Variants in NDUFS1 observed in about 807,000 individuals in gnomAD.
The protein encoded by NDUFS1 is NADH-ubiquinone oxidoreductase 75 kDa subunit, mitochondrial.
Under a neutral mutation model 84.4 loss-of-function variants are expected in NDUFS1, and 61 were observed. The ratio of observed to expected loss-of-function variants is 0.72; its 90% confidence interval spans 0.59 to 0.89. The LOEUF is 0.89. NDUFS1 is among the 40% of genes least tolerant of loss of function. The probability of loss-of-function intolerance (pLI) is 0.00; values close to 1 mark genes in which losing one functional copy is unlikely to be tolerated. For missense variants in NDUFS1, 891 were observed against 890.0 expected (o/e 1.00, Z -0.01); for synonymous variants, 275 against 290.0 (o/e 0.95, Z 0.53).
At chr2:206,128,293 G>A (rs1465515482) in intron 15 of NDUFS1, among the ~76,000 whole-genome samples, 2 of 151,884 alleles carry the variant, frequency 1.3e-5, no homozygotes, top group African/African-American at 4.8e-5. Flanking sequence ...AGCCTCCCAA[G>A]TAGCTGGGAC....
In NDUFS1 at chr2:206,121,236, T is replaced by C. The variant is rs1200201095; in HGVS notation, c.*2949A>G. The C allele has an allele frequency of 6.6e-6, 1 of 152,218 alleles. No homozygotes were observed. The highest frequency in any genetic ancestry group is 2.4e-5 in the African/African-American group (1 of 41,450). The allele number at this position is 152,218 out of a possible 1,614,324, so 9.4% of individuals were successfully genotyped here. On this transcript the variant is annotated 3_prime_UTR_variant, in exon 19 of 19. Coordinates refer to ENST00000233190, the MANE Select transcript of NDUFS1 (RefSeq NM_005006.7). ...CTTGAGCCTTTGTAGATTTTCTCAT[T>C]GGTGATTCCTTCACTGCTTAGAATG... is the stretch of plus-strand genomic sequence containing the variant.
rs1575984450 is a variant in NDUFS1 at position 206,146,951 on chromosome 2, G to A, written c.689C>T (p.Ala230Val). 3 of 1,613,930 alleles carry A rather than the reference G, an allele frequency of 1.9e-6. No individual in the cohort carries two copies. In the Admixed American group the frequency reaches 5.0e-5, roughly 27 times the overall value. Residue 230 changes from alanine to valine, a missense_variant, in exon 8 of 19, where the codon GCC becomes GTC. Coordinates refer to ENST00000233190, the MANE Select transcript of NDUFS1 (RefSeq NM_005006.7). The part of the protein sequence containing the change: ...GNIIDICPVG[A>V]LTSKPYAFTA... ...AAAGGCATAGGGCTTAGAGGTTAGG[G>A]CACCTACAGGGCAGATATCAATGAT...
At chr2:206,141,315 C>T (rs189122625) in intron 12 of NDUFS1, among the ~76,000 whole-genome samples, 365 of 151,708 alleles carry the variant, frequency 2.4e-3, no homozygotes, top group African/African-American at 6.8e-3. Flanking sequence ...GAGGCTGAGG[C>T]GGGCGGATCA....
At chr2:206,147,413 A>G (rs1014102072) in intron 7 of NDUFS1, 118 bp downstream of exon 7, 1 of 959,490 alleles carries the variant, frequency 1.0e-6, no homozygotes, top group African/African-American at 1.7e-5. Flanking sequence ...CAGAAACAGC[A>G]TCCCTCTTCT....
At position 206,143,240 on chromosome 2, in the gene NDUFS1, A is replaced by G. The variant is rs557845093; in HGVS notation, c.988-409T>C. ...GCCACCGCACTCCAGCCTGGGCGAC[A>G]ACAGCAAAACTCCATCTCAAAAACA... On this transcript the variant is annotated intron_variant, in intron 10 of 18. Transcript: ENST00000233190. Among the ~76,000 whole-genome samples the G allele has an allele frequency of 2.0e-3, 308 of 152,336 alleles. 2 individuals carry two copies. Among genetic ancestry groups the G allele is most frequent in the Non-Finnish European group, 2.9e-3 (194 of 68,018 alleles).
At chr2:206,132,264 TA>T (rs1691542187) in intron 14 of NDUFS1, among the ~76,000 whole-genome samples, 1 of 152,056 alleles carries the variant, frequency 6.6e-6, no homozygotes, top group African/African-American at 2.4e-5. Context: ...TCAACTTACC[TA>T]AATTAAACCT....
At position 206,116,279 on chromosome 2, in the gene NDUFS1, C is replaced by T. The variant is rs560235910; in HGVS notation, c.*7906G>A. The stretch of plus-strand genomic sequence containing the variant: ...AGCTTCATTAATTTCGGTTACTTCT[C>T]CTGATAAAGGAGAATAGAGTTCACT... On this transcript the variant is annotated 3_prime_UTR_variant, in exon 19 of 19. Coordinates refer to ENST00000233190, the MANE Select transcript of NDUFS1 (RefSeq NM_005006.7). 1.2e-5 allele frequency: 12 copies of T among 974,872 alleles called. No homozygotes were observed. Among genetic ancestry groups the T allele is most frequent in the East Asian group, 9.5e-5 (4 of 42,066 alleles). The allele number at this position is 974,872 out of a possible 1,614,324, so 60.4% of individuals were successfully genotyped here.
At chr2:206,147,975 T>TGGCACAATCTTGGCTCACTGCAGC in intron 5 of NDUFS1, 141 bp from the exon 6 acceptor site, 2 of 783,710 alleles carry the variant, frequency 2.6e-6, no homozygotes, top group Non-Finnish European at 4.4e-6. Flanking sequence ...TGCAGTGCAG[T>TGGCACAATCTTGGCTCACTGCAGC]GGCACAATCT....
chr2:206,130,542 A>G (rs1265839584), intron 14 of NDUFS1, among the ~76,000 whole-genome samples: 1 of 152,000 alleles, frequency 6.6e-6, no homozygotes, highest in Non-Finnish European at 1.5e-5. Context: ...TTCAGTAGAG[A>G]TGGGGTTTCA....
Position 206,121,970 on chromosome 2 carries a change from G to GTT in NDUFS1, c.*2214_*2215insAA, listed in dbSNP as rs1266317840. On this transcript the variant is annotated 3_prime_UTR_variant, in exon 19 of 19. Transcript: ENST00000233190. ...CTCAAGATGAGCACAGTGCTAAGAG[G>GTT]TAAGAGATGGGAAGTTTGTATTAAG... The GTT allele has an allele frequency of 6.6e-6, 1 of 152,138 alleles. No individual in the cohort carries two copies. Among genetic ancestry groups the GTT allele is most frequent in the African/African-American group, 2.4e-5 (1 of 41,430 alleles). 9.4% of individuals were successfully genotyped at this position (152,138 alleles called of 1,614,324 possible).
At chr2:206,145,101 A>C (rs1692109537) in intron 8 of NDUFS1, 75 bp from the exon 9 acceptor site, 1 of 1,459,410 alleles carries the variant, frequency 6.9e-7, no homozygotes, top group Non-Finnish European at 9.3e-7. Context: ...TTTACCAAAA[A>C]ATTTTTTTTA....
intron 13 of NDUFS1, among the ~76,000 whole-genome samples, chr2:206,133,705 C>T (rs1441407703): frequency 1.3e-5 from 2 of 152,138 alleles, no homozygotes; most frequent in Admixed American, 6.5e-5. Flanking sequence ...AGGCTGGGCA[C>T]GGTGGCTCAC....
intron 1 of NDUFS1, 102 bp downstream of exon 1, chr2:206,159,239 G>A (rs1362124837): frequency 1.0e-5 from 11 of 1,077,552 alleles, no homozygotes; most frequent in East Asian, 2.6e-5. Context: ...CCCAGTCAAG[G>A]ACAACAGAAG....
In NDUFS1 at chr2:206,142,750, A is replaced by C; in HGVS notation, c.1069T>G (p.Leu357Val). Residue 357 changes from leucine to valine, a missense_variant, in exon 11 of 19, where the codon TTG becomes GTG. By Grantham distance (32) the Leu-to-Val change is conservative. Transcript: ENST00000233190. ...GTGTCAGAGTCCACTCTATTAAGCAAATCTTTGAGAGCTACCAGGGCTTCA... is the reference window on the plus strand; with the variant it reads ...GTGTCAGAGTCCACTCTATTAAGCACATCTTTGAGAGCTACCAGGGCTTCA... Reference protein sequence around the residue: ...DAEALVALKDLLNRVDSDTLC... With the variant: ...DAEALVALKDVLNRVDSDTLC... 1 of 1,614,174 alleles carries C rather than the reference A, an allele frequency of 6.2e-7. No individual in the cohort carries two copies. Among genetic ancestry groups the C allele is most frequent in the Non-Finnish European group, 8.5e-7 (1 of 1,180,024 alleles).
intron 12 of NDUFS1, among the ~76,000 whole-genome samples, chr2:206,141,574 A>G (rs1309645280): frequency 1.5e-5 from 2 of 137,020 alleles, no homozygotes; most frequent in African/African-American, 5.8e-5. Context: ...TAATTTTTTA[A>G]AAATCTAAAA....
At chr2:206,127,322 C>T (rs563591739) in intron 16 of NDUFS1, among the ~76,000 whole-genome samples, 17 of 152,220 alleles carry the variant, frequency 1.1e-4, no homozygotes, top group South Asian at 6.2e-4. Context: ...CTGCTTGAGG[C>T]CCAGGAGTTC....
intron 1 of NDUFS1, among the ~76,000 whole-genome samples, chr2:206,156,821 G>T (rs6741160): frequency 0.53 from 80,253 of 151,994 alleles, 22,759 homozygotes; most frequent in African/African-American, 0.74. Flanking sequence ...GAGTAATGTT[G>T]GGTAAATGAG....
rs771841040 is a variant in NDUFS1, at chr2:206,145,039, T to C, written c.738-13A>G. 1.9e-5 allele frequency: 30 copies of C among 1,610,868 alleles called. No individual in the cohort carries two copies. Among genetic ancestry groups the C allele is most frequent in the South Asian group, 3.3e-5 (3 of 90,436 alleles). On this transcript the variant is annotated splice_polypyrimidine_tract_variant and intron_variant, in intron 8 of 18. Coordinates refer to ENST00000233190, the MANE Select transcript of NDUFS1 (RefSeq NM_005006.7). The stretch of plus-strand genomic sequence containing the variant: ...GGATTCTGTCTTTCTGAGAAACACA[T>C]ACGGTGTTTACTATGGTGCTTTTGG...
chr2:206,126,192 A>G (rs1691285566), intron 18 of NDUFS1, among the ~76,000 whole-genome samples: 1 of 152,232 alleles, frequency 6.6e-6, no homozygotes, highest in African/African-American at 2.4e-5. Context: ...TTTCACATTT[A>G]AATGTTTTGA....
Sources: allele counts gnomAD v4.1 joint callset (sites outside exome capture counted in the v4.1 genomes callset), GRCh38; gene constraint gnomAD v4.1.1; transcripts MANE v1.5; gene names NCBI Gene and HGNC (gene_info 2026-07-23, HGNC 2026-07-21).